Variants in STAB1 observed in about 807,000 individuals in gnomAD.
The protein encoded by STAB1 is stabilin-1.
STAB1 carries 250 observed loss-of-function variants against 332.4 expected under a neutral mutation model. The ratio of observed to expected loss-of-function variants is 0.75; its 90% CI spans 0.68 to 0.84. The LOEUF is 0.84. STAB1 is among the 40% of genes least tolerant of loss of function. The pLI is 0.00. For synonymous variants in STAB1, 1,475 were observed against 1,390.4 expected, an observed-to-expected ratio of 1.06 and a Z score of -1.35; for missense variants, 3,249 against 3,489.7, an observed-to-expected ratio of 0.93 and a Z score of 1.74.
Position 52,507,947 on chromosome 3 carries a change from AGT to A in STAB1, c.2074_2075del (p.Val692LeufsTer4). On this transcript the variant is annotated frameshift_variant, in exon 20 of 69. Transcript: ENST00000321725. LOFTEE classifies it high-confidence loss of function. ...CCACCCTAGGACATCTTCCCCAAGG[AGT>A]GTGTCTACATCCATGACCCAACGGG... is the stretch of plus-strand genomic sequence containing the variant. 1 of 1,613,574 alleles carries A rather than the reference AGT, an allele frequency of 6.2e-7. No homozygotes were observed. Among genetic ancestry groups the A allele is most frequent in the Non-Finnish European group, 8.5e-7 (1 of 1,179,942 alleles).
intron 38 of STAB1, 53 bp from the exon 39 acceptor site, chr3:52,516,303 C>T (rs1344024784): frequency 6.8e-6 from 11 of 1,606,884 alleles, no homozygotes; most frequent in Non-Finnish European, 6.8e-6. Flanking sequence ...AGACCCCAGC[C>T]GGGACAGGAT....
Position 52,516,412 on chromosome 3 carries a change from G to A in STAB1, c.4201G>A (p.Val1401Ile). ...GGGGCTGCAAGGGGACGGAAGCTGT[G>A]TCTGTAACGTGGGCTGGCAGGGCCT... Reference protein sequence around the residue: ...QEGLQGDGSCVCNVGWQGLRC... With the variant: ...QEGLQGDGSCICNVGWQGLRC... The change falls in exon 39 of 69, where the codon GTC becomes ATC. Residue 1401 changes from valine (V) to isoleucine (I), a missense_variant. Transcript: ENST00000321725. The A allele has an allele frequency of 6.2e-7, 1 of 1,611,736 alleles. No homozygotes were observed. The highest frequency in any genetic ancestry group is 2.2e-5 in the East Asian group (1 of 44,826).
At chr3:52,509,576 C>T in intron 22 of STAB1, 1 of 591,442 alleles carries the variant, frequency 1.7e-6, no homozygotes, top group East Asian at 2.8e-5. Context: ...TTCACCCAGG[C>T]CAGGAAGGGA....
chr3:52,515,886 C>G (rs924922732), intron 37 of STAB1, among the ~76,000 whole-genome samples, 157 bp from the exon 38 acceptor site: 1 of 152,148 alleles, frequency 6.6e-6, no homozygotes, highest in Admixed American at 6.5e-5. Flanking sequence ...TAGGAGGTAT[C>G]TCTGTGTCTC....
chr3:52,510,025 G>A lies in STAB1; in HGVS notation c.2503G>A (p.Ala835Thr). ...TGLAQHCHLHARCVSQEGVAR... is the reference protein window; with the variant it reads ...TGLAQHCHLHTRCVSQEGVAR... ...GCTGGCCCAGCACTGCCACCTGCATGCCCGCTGTGTTAGCCAGGAGGGTGT... is the reference window on the plus strand; with the variant it reads ...GCTGGCCCAGCACTGCCACCTGCATACCCGCTGTGTTAGCCAGGAGGGTGT... Residue 835 changes from alanine to threonine, a missense_variant, in exon 23 of 69, where the codon GCC (alanine) becomes ACC (threonine). Ala to Thr is a moderately conservative substitution (Grantham distance 58). Coordinates refer to ENST00000321725, the MANE Select transcript of STAB1 (RefSeq NM_015136.3). 6.2e-7 allele frequency: 1 copy of A among 1,607,894 alleles called. No homozygotes were observed. The highest frequency in any genetic ancestry group is 1.3e-5 in the African/African-American group (1 of 75,008).
Position 52,522,089 on chromosome 3 carries a change from T to A in STAB1, c.6324T>A (p.Cys2108Ter). Residue 2108 changes from cysteine (C) to a stop codon, truncating the protein, a stop_gained, in exon 59 of 69, where the codon TGT (cysteine) becomes TGA (stop). Transcript: ENST00000321725. LOFTEE classifies it high-confidence loss of function. ...GHGGCSEHANCSQVGTMVTCT... is the reference protein window; with the variant it reads ...GHGGCSEHAN ...GTGGCTGCAGTGAGCACGCCAACTG[T>A]AGCCAGGTAGGAACAATGGTCACTT... 6.2e-7 allele frequency: 1 copy of A among 1,613,074 alleles called. No homozygotes were observed. Among genetic ancestry groups the A allele is most frequent in the Non-Finnish European group, 8.5e-7 (1 of 1,179,990 alleles).
chr3:52,507,393 T>C (rs758892459), intron 18 of STAB1, among the ~76,000 whole-genome samples: 15 of 152,230 alleles, frequency 9.9e-5, no homozygotes, highest in Non-Finnish European at 1.8e-4. Context: ...TCACTCACTC[T>C]GTGCCTGCCT....
Position 52,516,220 on chromosome 3 carries a change from G to T in STAB1, c.4126G>T (p.Gly1376Trp), listed in dbSNP as rs771020403. 2 of 1,611,924 alleles carry T rather than the reference G, an allele frequency of 1.2e-6. No homozygotes were observed. Among genetic ancestry groups the T allele is most frequent in the African/African-American group, 2.7e-5 (2 of 74,834 alleles). The change falls in exon 38 of 69, where the codon GGG becomes TGG. Residue 1376 changes from glycine to tryptophan, a missense_variant. Coordinates refer to ENST00000321725, the MANE Select transcript of STAB1 (RefSeq NM_015136.3). ...TGAGGTGTGTGAGCTGGGCCGCTAC[G>T]GGCCCAACTGCACCGGAGGTGAGGA... ...ACEVCELGRYGPNCTGVCDCA... is the reference protein window; with the variant it reads ...ACEVCELGRYWPNCTGVCDCA...
intron 2 of STAB1, 141 bp from the exon 3 acceptor site, chr3:52,501,497 C>CT (rs1349446423): frequency 9.3e-7 from 1 of 1,074,454 alleles, no homozygotes; most frequent in African/African-American, 1.6e-5. Flanking sequence ...GGGGCACCTG[C>CT]TATGTGCTAG....
chr3:52,514,078 C>G, intron 32 of STAB1, 37 bp from the exon 33 acceptor site: 1 of 1,609,280 alleles, frequency 6.2e-7, no homozygotes, highest in Non-Finnish European at 8.5e-7. Context: ...GGACTGACAA[C>G]TAATATGCCC....
In STAB1 at chr3:52,515,966, C is replaced by T. The variant is rs377088879; in HGVS notation, c.3949-77C>T. On this transcript the variant is annotated intron_variant, in intron 37 of 68. Transcript: ENST00000321725. Reference sequence around the variant, plus strand: ...GTTTTGCTCCATGGCTCTGTGGCCCCGAGATGCCCCCGTTCCCCTTCCCCC... The same window carrying T: ...GTTTTGCTCCATGGCTCTGTGGCCCTGAGATGCCCCCGTTCCCCTTCCCCC... 88 of 1,456,506 alleles carry T rather than the reference C, an allele frequency of 6.0e-5. No homozygotes were observed. The East Asian group carries it at 9.6e-4, about 16-fold the overall frequency. 90.2% of individuals were successfully genotyped at this position (1,456,506 alleles called of 1,614,324 possible).
In STAB1 at chr3:52,512,899, G is replaced by C. The variant is rs957330170; in HGVS notation, c.3099G>C (p.Gln1033His). The C allele has an allele frequency of 6.2e-7, 1 of 1,612,092 alleles. No individual in the cohort carries two copies. The highest frequency in any genetic ancestry group is 1.7e-5 in the Admixed American group (1 of 59,988). The change falls in exon 29 of 69, where the codon CAG (glutamine) becomes CAC (histidine). Residue 1033 changes from glutamine (Q) to histidine (H), a missense_variant. Gln to His is a conservative substitution (Grantham distance 24, BLOSUM62 0). Coordinates refer to ENST00000321725, the MANE Select transcript of STAB1 (RefSeq NM_015136.3). ...ALVPSEAAVR[Q>H]LSPEDRAFWL... ...TGCCCTCCGAGGCTGCAGTCCGTCA[G>C]CTGAGCCCCGAGGACCGAGCTTTCT...
chr3:52,501,345 G>A, intron 2 of STAB1, 43 bp downstream of exon 2: 2 of 1,596,710 alleles, frequency 1.3e-6, no homozygotes, highest in Non-Finnish European at 1.7e-6. Context: ...GGAGCATCCT[G>A]TGGGGTGGCA....
rs1408478966 is a variant in STAB1, at chr3:52,504,544, A to G, written c.1234A>G (p.Met412Val). 2.5e-6 allele frequency: 4 copies of G among 1,613,824 alleles called. No homozygotes were observed. Among genetic ancestry groups the G allele is most frequent in the Non-Finnish European group, 3.4e-6 (4 of 1,179,996 alleles). ...CGTCTCCTCCTTCTCCTCCAGGACC[A>G]TGAATGTAAGCCCCTCCCCATGGTG... Reference protein sequence around the residue: ...PSVSSFSSRTMNASLAQQLCR... With the variant: ...PSVSSFSSRTVNASLAQQLCR... The change falls in exon 11 of 69, where the codon ATG (methionine) becomes GTG (valine). Residue 412 changes from methionine to valine, a missense_variant. Physicochemically the swap from Met to Val is conservative, Grantham distance 21 (BLOSUM62 1). Coordinates refer to ENST00000321725, the MANE Select transcript of STAB1 (RefSeq NM_015136.3).
Position 52,502,035 on chromosome 3 carries a change from A to G in STAB1, c.361A>G (p.Asn121Asp). The G allele has an allele frequency of 1.2e-6, 2 of 1,613,170 alleles. No homozygotes were observed. Among genetic ancestry groups the G allele is most frequent in the Non-Finnish European group, 1.7e-6 (2 of 1,179,994 alleles). Reference sequence around the variant, plus strand: ...CCCTGGGGGCGCTGAGACCCCATGCAATGGCCACGGGACCTGCTTGGATGG... The same window carrying G: ...CCCTGGGGGCGCTGAGACCCCATGCGATGGCCACGGGACCTGCTTGGATGG... Reference protein sequence around the residue: ...ECPGGAETPCNGHGTCLDGMD... With the variant: ...ECPGGAETPCDGHGTCLDGMD... The change falls in exon 4 of 69, where the codon AAT (asparagine) becomes GAT (aspartate). Residue 121 changes from asparagine (N) to aspartate (D), a missense_variant. Physicochemically the swap from Asn to Asp is conservative, Grantham distance 23 (BLOSUM62 1). Transcript: ENST00000321725.
At chr3:52,516,665 C>A (rs369219586) in intron 40 of STAB1, 27 bp from the exon 41 acceptor site, 2 of 1,612,308 alleles carry the variant, frequency 1.2e-6, no homozygotes, top group South Asian at 1.1e-5. Flanking sequence ...CAGGCATGGG[C>A]TAAGCTGCTG....
Position 52,514,143 on chromosome 3 carries a change from C to T in STAB1, c.3476C>T (p.Ala1159Val). ...QHHGLVPQIE[A>V]ATAYTIFVPT... ...CATGGGTTGGTGCCCCAGATTGAGG[C>T]TGCCACTGCCTACACCATCTTTGTG... The change falls in exon 33 of 69, where the codon GCT (alanine) becomes GTT (valine). Residue 1159 changes from alanine to valine, a missense_variant. Physicochemically the swap from Ala to Val is moderately conservative, Grantham distance 64. Transcript: ENST00000321725. 6.2e-7 allele frequency: 1 copy of T among 1,613,392 alleles called. No individual in the cohort carries two copies. The highest frequency in any genetic ancestry group is 1.7e-5 in the Admixed American group (1 of 60,026).
chr3:52,522,540 C>G lies in STAB1; in HGVS notation c.6611-15C>G, dbSNP rs781090613. 1.2e-6 allele frequency: 2 copies of G among 1,612,944 alleles called. No homozygotes were observed. Among genetic ancestry groups the G allele is most frequent in the African/African-American group, 2.7e-5 (2 of 74,920 alleles). ...CAGAGCCGGCCAGCTGACCATGCAC[C>G]CCTCCATTCTGCAGAGAAACGGGCT... On this transcript the variant is annotated splice_polypyrimidine_tract_variant and intron_variant, in intron 60 of 68. Transcript: ENST00000321725.
Position 52,521,911 on chromosome 3 carries a change from G to A in STAB1, c.6231G>A (p.Glu2077=). 2 of 1,609,350 alleles carry A rather than the reference G, an allele frequency of 1.2e-6. No individual in the cohort carries two copies. The highest frequency in any genetic ancestry group is 1.7e-6 in the Non-Finnish European group (2 of 1,177,080). ...TGTGCCGTGCAGGCAACAGCTGTGA[G>A]TGCAGCCTGGGCTATGAAGGGGATG... ...EAVCRAGNSC[E]CSLGYEGDGR... Residue 2077 remains glutamate, a synonymous_variant, in exon 58 of 69, where the codon GAG becomes GAA. Transcript: ENST00000321725.
Sources: gnomAD v4.1 joint callset for allele counts (sites outside exome capture counted in the v4.1 genomes callset) on GRCh38, gnomAD v4.1.1 for gene constraint, MANE v1.5 for transcripts, NCBI Gene and HGNC (gene_info 2026-07-23, HGNC 2026-07-21) for gene names.